DCDC1: variants seen among roughly 807,000 people sequenced by gnomAD.
DCDC1 encodes the protein doublecortin domain-containing protein 1.
In DCDC1, 200 loss-of-function variants were observed where a neutral mutation model predicts 178.3. The observed-to-expected ratio is 1.12, with a 90% CI of 1.00 to 1.26. The LOEUF (loss-of-function observed/expected upper bound fraction) is 1.26. Among genes scored for constraint, DCDC1 ranks in the 50% most tolerant of loss-of-function variants. DCDC1 has a pLI of 0.00. For missense variants in DCDC1, 1,983 were observed against 1,749.2 expected (o/e 1.13, Z -2.38); for synonymous variants, 690 against 604.8 (o/e 1.14, Z -2.07).
intron 30 of DCDC1, among the ~76,000 whole-genome samples, chr11:30,905,439 T>C (rs1317857246): frequency 6.6e-6 from 1 of 152,204 alleles, no homozygotes; most frequent in African/African-American, 2.4e-5. Flanking sequence ...TATTTGTTTT[T>C]TGCTTTCTCT....
chr11:31,211,407 C>G (rs1000499588), intron 9 of DCDC1, among the ~76,000 whole-genome samples: 1 of 152,240 alleles, frequency 6.6e-6, no homozygotes, highest in South Asian at 2.1e-4. Flanking sequence ...CTACTATCCA[C>G]ATGCCTACTA....
chr11:30,888,063 AG>A (rs1258308738), intron 36 of DCDC1, among the ~76,000 whole-genome samples: 1,003 of 48,998 alleles, frequency 0.02, 38 homozygotes, highest in African/African-American at 0.071. Context: ...AGAAAGAAAG[AG>A]AGAGAGAGAG....
intron 9 of DCDC1, among the ~76,000 whole-genome samples, chr11:31,203,841 G>A (rs556296618): frequency 6.6e-6 from 1 of 151,890 alleles, no homozygotes; most frequent in African/African-American, 2.4e-5. Flanking sequence ...ACATTACACT[G>A]GAATATTGAC....
intron 11 of DCDC1, among the ~76,000 whole-genome samples, chr11:31,124,985 AACAG>A (rs1961391648): frequency 6.6e-6 from 1 of 152,178 alleles, no homozygotes; most frequent in Non-Finnish European, 1.5e-5. Flanking sequence ...CATCAGCACA[AACAG>A]ACAACCTACA....
At chr11:31,082,808 C>T (rs1450738076) in intron 17 of DCDC1, among the ~76,000 whole-genome samples, 1 of 152,132 alleles carries the variant, frequency 6.6e-6, no homozygotes, top group African/African-American at 2.4e-5. Context: ...TTTCTTTTCT[C>T]AGACAGCCTC....
intron 8 of DCDC1, among the ~76,000 whole-genome samples, chr11:31,259,521 T>C (rs1005955314): frequency 1.3e-5 from 2 of 152,232 alleles, no homozygotes; most frequent in African/African-American, 2.4e-5. Flanking sequence ...CTATAATTCC[T>C]ATCTTATAGA....
intron 15 of DCDC1, among the ~76,000 whole-genome samples, chr11:31,095,745 G>A (rs912760567): frequency 6.6e-6 from 1 of 152,132 alleles, no homozygotes; most frequent in Non-Finnish European, 1.5e-5. Flanking sequence ...TGCTCACTTA[G>A]ACCTAATTGT....
intron 20 of DCDC1, among the ~76,000 whole-genome samples, chr11:30,988,167 C>G (rs1287172157): frequency 6.6e-6 from 1 of 151,986 alleles, no homozygotes; most frequent in East Asian, 1.9e-4. Context: ...ACTCTGGCTG[C>G]TAGATGGAGA....
At chr11:31,180,295 T>C (rs985584843) in intron 9 of DCDC1, among the ~76,000 whole-genome samples, 1 of 152,202 alleles carries the variant, frequency 6.6e-6, no homozygotes, top group Non-Finnish European at 1.5e-5. Flanking sequence ...CTTTTGAATA[T>C]TCTCACCACA....
chr11:30,911,328 T>C lies in DCDC1; in HGVS notation c.3746A>G (p.Gln1249Arg). ...AATCTTTAGCCATACATATCTTACC[T>C]GAACAATAACTGGATAGCCACAAAC... ...NEVCGYPVIV[Q>R]KYKPYNNGAA... Residue 1249 changes from glutamine (Q) to arginine (R), a missense_variant and splice_region_variant, in exon 28 of 39, where the codon CAG becomes CGG. Gln to Arg is a conservative substitution (Grantham distance 43). Coordinates refer to ENST00000684477, the MANE Select transcript of DCDC1 (RefSeq NM_001387274.1). 6.3e-7 allele frequency: 1 copy of C among 1,599,136 alleles called. No homozygotes were observed.
intron 18 of DCDC1, among the ~76,000 whole-genome samples, chr11:31,067,237 T>A (rs1956298193): frequency 6.6e-6 from 1 of 152,086 alleles, no homozygotes; most frequent in African/African-American, 2.4e-5. Context: ...AGAACTCTTA[T>A]ACTCACTAAT....
At chr11:30,936,232 A>C (rs1387773504) in intron 21 of DCDC1, among the ~76,000 whole-genome samples, 1 of 152,152 alleles carries the variant, frequency 6.6e-6, no homozygotes, top group African/African-American at 2.4e-5. Flanking sequence ...TAGTAGGAAG[A>C]TCTGTAGCCC....
At chr11:30,982,252 T>C (rs1381150768) in intron 20 of DCDC1, among the ~76,000 whole-genome samples, 1 of 152,188 alleles carries the variant, frequency 6.6e-6, no homozygotes, top group African/African-American at 2.4e-5. Context: ...CCAAGGTGAG[T>C]TAAAGTTACA....
chr11:31,068,112 A>G (rs533435930), intron 18 of DCDC1, among the ~76,000 whole-genome samples: 14 of 152,298 alleles, frequency 9.2e-5, no homozygotes, highest in South Asian at 2.1e-4. Context: ...AAAGAAGAGA[A>G]AAGGGATCCA....
At chr11:31,139,996 G>C (rs12269861) in intron 9 of DCDC1, among the ~76,000 whole-genome samples, 13,827 of 152,182 alleles carry the variant, frequency 0.091, 1,723 homozygotes, top group African/African-American at 0.28. Flanking sequence ...AAATCATTTA[G>C]AGGAAATCGC....
intron 9 of DCDC1, among the ~76,000 whole-genome samples, chr11:31,225,408 T>C (rs1974800820): frequency 6.6e-6 from 1 of 151,742 alleles, no homozygotes; most frequent in Non-Finnish European, 1.5e-5. Flanking sequence ...AGACTACATA[T>C]TGGGTACAGC....
chr11:31,187,998 A>AT (rs1401227436), intron 9 of DCDC1, among the ~76,000 whole-genome samples: 2 of 152,232 alleles, frequency 1.3e-5, no homozygotes, highest in Non-Finnish European at 2.9e-5. Context: ...AATCTTTTTT[A>AT]ATTTTTTTTC....
chr11:31,064,430 G>A (rs144561560), intron 20 of DCDC1, 39 bp downstream of exon 20: 2 of 694,416 alleles, frequency 2.9e-6, no homozygotes, highest in Non-Finnish European at 5.3e-6. Flanking sequence ...AATATCGAAT[G>A]TCATTGAGCA....
chr11:31,344,191 A>G (rs1950696846), intron 1 of DCDC1, among the ~76,000 whole-genome samples: 1 of 152,218 alleles, frequency 6.6e-6, no homozygotes, highest in Non-Finnish European at 1.5e-5. Context: ...GAAATTAAAG[A>G]AATAAAAATG....
Sources: gnomAD v4.1 joint callset for allele counts (sites outside exome capture counted in the v4.1 genomes callset) on GRCh38, gnomAD v4.1.1 for gene constraint, MANE v1.5 for transcripts, NCBI Gene and HGNC (gene_info 2026-07-23, HGNC 2026-07-21) for gene names.